The following ZBTB16 variants were observed in gnomAD, a reference collection of about 807,000 sequenced individuals.
ZBTB16 encodes the protein zinc finger and BTB domain-containing protein 16.
Under a neutral mutation model 56.8 loss-of-function variants are expected in ZBTB16, and 8 were observed. The observed-to-expected ratio is 0.14, with a 90% CI of 0.08 to 0.25. ZBTB16 has a LOEUF of 0.25. ZBTB16 is among the 10% of genes least tolerant of loss of function. The pLI, the probability that ZBTB16 is intolerant of heterozygous loss-of-function variation, is 1.00. For missense variants in ZBTB16, 625 were observed against 903.0 expected (o/e 0.69, Z 3.95); for synonymous variants, 363 against 368.5 (o/e 0.98, Z 0.17).
chr11:114,211,028 C>CT (rs1242834240), intron 4 of ZBTB16: 1 of 169,470 alleles, frequency 5.9e-6, no homozygotes, highest in African/African-American at 2.4e-5. Flanking sequence ...AGCGATTCTC[C>CT]TGCCTCAGCC....
chr11:114,213,740 C>T (rs571223142), intron 4 of ZBTB16, among the ~76,000 whole-genome samples: 124 of 152,318 alleles, frequency 8.1e-4, no homozygotes, highest in South Asian at 5.4e-3. Flanking sequence ...ATGTTAAACA[C>T]GTCATCTCTT....
chr11:114,134,580 C>T (rs1941750894), intron 2 of ZBTB16, among the ~76,000 whole-genome samples: 1 of 152,168 alleles, frequency 6.6e-6, no homozygotes, highest in Non-Finnish European at 1.5e-5. Context: ...GGACTGACCA[C>T]ACAGTTGAAA....
intron 2 of ZBTB16, among the ~76,000 whole-genome samples, chr11:114,146,775 G>A (rs1942117064): frequency 6.6e-6 from 1 of 151,418 alleles, no homozygotes; most frequent in Non-Finnish European, 1.5e-5. Flanking sequence ...CCTGAACCTG[G>A]GAGGCAGAGG....
At chr11:114,212,315 A>T (rs971686905) in intron 4 of ZBTB16, among the ~76,000 whole-genome samples, 1 of 152,052 alleles carries the variant, frequency 6.6e-6, no homozygotes, top group Non-Finnish European at 1.5e-5. Context: ...TGACTTTGAA[A>T]GAAAGAAAGA....
At chr11:114,168,700 C>T (rs913202308) in intron 3 of ZBTB16, among the ~76,000 whole-genome samples, 8 of 152,290 alleles carry the variant, frequency 5.3e-5, no homozygotes, top group Admixed American at 3.3e-4. Context: ...GCCCTGGCCT[C>T]GTGCTGTTTG....
intron 3 of ZBTB16, among the ~76,000 whole-genome samples, chr11:114,186,285 G>C (rs583331): frequency 0.18 from 27,724 of 152,102 alleles, 2,716 homozygotes; most frequent in African/African-American, 0.27. Flanking sequence ...GAAGAACACG[G>C]TTCCTCCAGG....
chr11:114,233,081 GCA>G lies in ZBTB16; in HGVS notation c.1454-9042_1454-9041del, dbSNP rs1198148768. Among the ~76,000 whole-genome samples the G allele has an allele frequency of 4.9e-3, 426 of 87,502 alleles. 7 individuals carry two copies. The highest frequency in any genetic ancestry group is 0.012 in the African/African-American group (267 of 23,004). The allele number at this position is 87,502 out of a possible 152,430, so 57.4% of individuals were successfully genotyped here. On this transcript the variant is annotated intron_variant, in intron 4 of 6. Coordinates refer to ENST00000335953, the MANE Select transcript of ZBTB16 (RefSeq NM_006006.6). ...CACATACGCATGCGCGCGCGCGCGC[GCA>G]CACACACACACACACACACACACAC...
At chr11:114,218,608 A>T (rs1944161085) in intron 4 of ZBTB16, among the ~76,000 whole-genome samples, 1 of 152,236 alleles carries the variant, frequency 6.6e-6, no homozygotes, top group African/African-American at 2.4e-5. Context: ...CTTCAAGGTC[A>T]AGATCAGACC....
chr11:114,129,485 G>A (rs887217642), intron 2 of ZBTB16, among the ~76,000 whole-genome samples: 1 of 152,170 alleles, frequency 6.6e-6, no homozygotes, highest in Non-Finnish European at 1.5e-5. Context: ...CCTGCCTTAC[G>A]CAGGCTCCCA....
At chr11:114,107,932 C>G (rs2137771413) in intron 2 of ZBTB16, among the ~76,000 whole-genome samples, 1 of 150,452 alleles carries the variant, frequency 6.6e-6, no homozygotes, top group Admixed American at 6.6e-5. Flanking sequence ...TTTTTTAAAG[C>G]CTGTGTTCCT....
chr11:114,125,780 C>G (rs1941492144), intron 2 of ZBTB16, among the ~76,000 whole-genome samples: 1 of 152,070 alleles, frequency 6.6e-6, no homozygotes, highest in Admixed American at 6.6e-5. Context: ...TGCTTTAGAC[C>G]TTTTTCGTTT....
intron 1 of ZBTB16, among the ~76,000 whole-genome samples, chr11:114,062,779 C>T (rs1938934514): frequency 6.6e-6 from 1 of 152,214 alleles, no homozygotes; most frequent in African/African-American, 2.4e-5. Context: ...GGCTTGACAT[C>T]CAGGGGGCTG....
At chr11:114,235,532 G>GTGAA (rs1202993482) in intron 4 of ZBTB16, among the ~76,000 whole-genome samples, 1 of 152,146 alleles carries the variant, frequency 6.6e-6, no homozygotes, top group Non-Finnish European at 1.5e-5. Flanking sequence ...CATCACCTGG[G>GTGAA]TGAAATACCC....
At chr11:114,087,400 G>A (rs78647582) in intron 2 of ZBTB16, among the ~76,000 whole-genome samples, 1,766 of 144,602 alleles carry the variant, frequency 0.012, 37 homozygotes, top group African/African-American at 0.041. Context: ...CACCAGTCCT[G>A]CAAGGATCTA....
intron 2 of ZBTB16, among the ~76,000 whole-genome samples, chr11:114,132,636 A>G (rs1941695375): frequency 6.6e-6 from 1 of 152,202 alleles, no homozygotes; most frequent in Non-Finnish European, 1.5e-5. Flanking sequence ...AGCTGAGTAA[A>G]TATAAAGTGC....
intron 2 of ZBTB16, among the ~76,000 whole-genome samples, chr11:114,148,863 G>GGTGTGT (rs35071911): frequency 0.015 from 2,119 of 144,006 alleles, 47 homozygotes; most frequent in African/African-American, 0.051. Flanking sequence ...GTTTTTTACT[G>GGTGTGT]GTGTGTGTGT....
At chr11:114,161,380 G>A (rs1391863838) in intron 3 of ZBTB16, among the ~76,000 whole-genome samples, 1 of 152,176 alleles carries the variant, frequency 6.6e-6, no homozygotes, top group Non-Finnish European at 1.5e-5. Context: ...CACGAATTGT[G>A]TGTCAGGCTC....
chr11:114,180,716 C>G (rs1431395442), intron 3 of ZBTB16: 5 of 152,288 alleles, frequency 3.3e-5, no homozygotes, highest in Non-Finnish European at 4.4e-5. Context: ...CAGGTGAGTT[C>G]TGCACCCAGG....
chr11:114,144,518 CA>C (rs1330589360), intron 2 of ZBTB16, among the ~76,000 whole-genome samples: 1 of 151,928 alleles, frequency 6.6e-6, no homozygotes, highest in Non-Finnish European at 1.5e-5. Flanking sequence ...ACTTCTTTTA[CA>C]AAAAAGAAAA....
Sources: allele counts gnomAD v4.1 joint callset (sites outside exome capture counted in the v4.1 genomes callset), GRCh38; gene constraint gnomAD v4.1.1; transcripts MANE v1.5; gene names NCBI Gene and HGNC (gene_info 2026-07-23, HGNC 2026-07-21).